Variants in C4orf50 observed in about 807,000 individuals in gnomAD.
C4orf50 encodes uncharacterized protein C4orf50.
A neutral mutation model predicts 77.2 loss-of-function variants in C4orf50; 80 were observed. The ratio of observed to expected loss-of-function variants is 1.04; its 90% CI spans 0.87 to 1.25. C4orf50 has a LOEUF of 1.25. Among genes scored for constraint, C4orf50 ranks in the 50% most tolerant of loss-of-function variants. The pLI, the probability that C4orf50 is intolerant of heterozygous loss-of-function variation, is 0.00. For missense variants in C4orf50, 1,257 were observed against 1,152.9 expected (o/e 1.09, Z -1.31); for synonymous variants, 532 against 465.3 (o/e 1.14, Z -1.84).
At chr4:5,952,806 C>T (rs970047133), downstream of C4orf50, among the ~76,000 whole-genome samples, 16 of 152,138 alleles carry the variant, frequency 1.1e-4, no homozygotes, top group South Asian at 4.1e-4. This position sits in a 1 kb window ranked among gnomAD's most constrained non-coding sequence, Gnocchi z 4.4. Context: ...GCCATGGACA[C>T]GCACAGTTCC....
chr4:5,988,271 A>G (rs377326137), intron 28 of C4orf50, 76 bp downstream of exon 6: 2 of 1,543,896 alleles, frequency 1.3e-6, no homozygotes, highest in Non-Finnish European at 1.8e-6. Flanking sequence ...ACTCTGGTGA[A>G]TTGCATAAGT....
In C4orf50 at chr4:6,017,866, C is replaced by T. The variant is rs145040763; in HGVS notation, c.287+279G>A. On this transcript the variant is annotated intron_variant, in intron 23 of 33. Transcript: ENST00000531445. The surrounding 1 kb of genome is among the most constrained non-coding windows in gnomAD (Gnocchi z 4.7). ...CCAGAGAAGAAGAGAGGGAGAACAC[C>T]TGGCTTCTCCCTGCCTCCCTCCGTT... 6.6e-6 allele frequency among the ~76,000 whole-genome samples: 1 copy of T among 152,312 alleles called. No individual in the cohort carries two copies. The highest frequency in any genetic ancestry group is 2.4e-5 in the African/African-American group (1 of 41,580).
At chr4:5,972,602 A>AAGG (rs1303292988) in intron 31 of C4orf50, among the ~76,000 whole-genome samples, 2 of 152,184 alleles carry the variant, frequency 1.3e-5, no homozygotes, top group Non-Finnish European at 2.9e-5. Context: ...CTGTGAGGAA[A>AAGG]AGGAAGGGTC....
rs796679085 is a variant in C4orf50, at chr4:6,008,874, C to T, written c.427-342G>A. Among the ~76,000 whole-genome samples the T allele has an allele frequency of 3.3e-5, 5 of 152,248 alleles. No individual in the cohort carries two copies. The highest frequency in any genetic ancestry group is 1.2e-4 in the African/African-American group (5 of 41,552). On this transcript the variant is annotated intron_variant, in intron 24 of 33. Transcript: ENST00000531445. The surrounding 1 kb of genome is among the most constrained non-coding windows in gnomAD (Gnocchi z 6.0). ...GAGATGTCCGGATACTGAATACGTC[C>T]GCACCTGAGTGCACACAGCTGCTCC...
chr4:5,992,495 C>G lies in C4orf50; in HGVS notation c.1221+308G>C, dbSNP rs916573864. 6.6e-6 allele frequency among the ~76,000 whole-genome samples: 1 copy of G among 152,136 alleles called. No individual in the cohort carries two copies. Among genetic ancestry groups the G allele is most frequent in the South Asian group, 2.1e-4 (1 of 4,804 alleles). The stretch of plus-strand genomic sequence containing the variant: ...CACAGCAGCCCTTGGAGTCTCATCT[C>G]CTCTCCAGAGCAGAGGTGGCAGCAA... On this transcript the variant is annotated intron_variant, in intron 27 of 33. Coordinates refer to ENST00000531445, the Ensembl canonical transcript of C4orf50. The surrounding 1 kb of genome is among the most constrained non-coding windows in gnomAD (Gnocchi z 5.0).
chr4:6,004,344 G>T (rs1722118223), intron 25 of C4orf50, among the ~76,000 whole-genome samples: 1 of 128,070 alleles, frequency 7.8e-6, no homozygotes, highest in Non-Finnish European at 1.6e-5. Flanking sequence ...TGGTGATGGT[G>T]ATGATGACGG....
chr4:5,944,946 C>G (rs926876003), intron 7 of C4orf50, among the ~76,000 whole-genome samples: 3 of 152,154 alleles, frequency 2.0e-5, no homozygotes, highest in African/African-American at 7.2e-5. Flanking sequence ...CTATTCCACA[C>G]GGAAAGAAAC....
intron 25 of C4orf50, among the ~76,000 whole-genome samples, chr4:6,001,922 A>C (rs999917400): frequency 1.3e-5 from 2 of 152,232 alleles, no homozygotes; most frequent in African/African-American, 2.4e-5. Context: ...ACAGCCATGC[A>C]TGTGAGGGCC....
rs552910294 is a variant in C4orf50, at chr4:6,011,044, C to G, written c.426+786G>C. On this transcript the variant is annotated intron_variant, in intron 24 of 33. Coordinates refer to ENST00000531445, the Ensembl canonical transcript of C4orf50. This position sits in a 1 kb window ranked among gnomAD's most constrained non-coding sequence, Gnocchi z 4.2. Reference sequence around the variant, plus strand: ...GCAGAGCCAGGGTTTGGCTCCAGGCCTCTGCCTCCAGAGCCCCCCACCCTT... The same window carrying G: ...GCAGAGCCAGGGTTTGGCTCCAGGCGTCTGCCTCCAGAGCCCCCCACCCTT... Among the ~76,000 whole-genome samples the G allele has an allele frequency of 6.6e-6, 1 of 152,312 alleles. No individual in the cohort carries two copies. Among genetic ancestry groups the G allele is most frequent in the South Asian group, 2.1e-4 (1 of 4,820 alleles).
Position 5,967,479 on chromosome 4 carries a change from C to A in C4orf50, c.4105-17G>T. On this transcript the variant is annotated splice_polypyrimidine_tract_variant and intron_variant, in intron 31 of 33. Transcript: ENST00000531445. ...GTGGCTTGTCTGCAAGAAAAGACAT[C>A]TTGGCGGTTATTCTGCATGGCACTG... 3 of 1,613,162 alleles carry A rather than the reference C, an allele frequency of 1.9e-6. No homozygotes were observed. The highest frequency in any genetic ancestry group is 2.5e-6 in the Non-Finnish European group (3 of 1,179,170).
intron 23 of C4orf50, among the ~76,000 whole-genome samples, chr4:6,012,365 A>C (rs554659826): frequency 6.6e-6 from 1 of 152,130 alleles, no homozygotes; most frequent in African/African-American, 2.4e-5. Context: ...ACATGAGGAA[A>C]TAGGATCAGA....
intron 25 of C4orf50, among the ~76,000 whole-genome samples, chr4:5,995,474 A>AACACACACACACACACACAC (rs55858229): frequency 4.6e-4 from 62 of 134,054 alleles, no homozygotes; most frequent in Non-Finnish European, 4.9e-4. Flanking sequence ...TGGGACTGGA[A>AACACACACACACACACACAC]ACACACACAC....
rs543833701 is a variant in C4orf50, at chr4:6,000,709, A to G, written c.964-6233T>C. Among the ~76,000 whole-genome samples, 2 of 152,280 alleles carry G rather than the reference A, an allele frequency of 1.3e-5. No homozygotes were observed. The highest frequency in any genetic ancestry group is 4.2e-4 in the South Asian group (2 of 4,814). On this transcript the variant is annotated intron_variant, in intron 25 of 33. Coordinates refer to ENST00000531445, the Ensembl canonical transcript of C4orf50. The surrounding 1 kb of genome is among the most constrained non-coding windows in gnomAD (Gnocchi z 6.0). The stretch of plus-strand genomic sequence containing the variant: ...ACTCCCCAGCCCCTGTACTGAGCTC[A>G]GACTGGAGCCAAGCACACGCACCAA...
chr4:5,995,116 G>A (rs1721507632), intron 25 of C4orf50, among the ~76,000 whole-genome samples: 2 of 152,064 alleles, frequency 1.3e-5, no homozygotes, highest in African/African-American at 4.8e-5. Flanking sequence ...GCCCTAAAGG[G>A]CACCAAAGGC....
chr4:6,004,182 G>GTGATGGTGATGATAGTGA (rs1722063626), intron 25 of C4orf50, among the ~76,000 whole-genome samples: 3 of 87,756 alleles, frequency 3.4e-5, no homozygotes, highest in Non-Finnish European at 4.6e-5. Context: ...GGTGATGATG[G>GTGATGGTGATGATAGTGA]TGATGGTGAT....
intron 33 of C4orf50, among the ~76,000 whole-genome samples, chr4:5,963,087 C>T (rs988821288): frequency 7.9e-5 from 12 of 151,626 alleles, no homozygotes; most frequent in Admixed American, 4.6e-4. Context: ...CTACAACCTC[C>T]GCCTCCCAGG....
chr4:5,993,933 C>T (rs75143028), intron 26 of C4orf50, among the ~76,000 whole-genome samples: 12,797 of 152,070 alleles, frequency 0.084, 636 homozygotes, highest in African/African-American at 0.14. Flanking sequence ...AGCTTCCAGA[C>T]CTGCCAAGTG....
At chr4:5,996,712 G>A (rs772872985) in intron 25 of C4orf50, among the ~76,000 whole-genome samples, 4 of 152,196 alleles carry the variant, frequency 2.6e-5, no homozygotes, top group Non-Finnish European at 5.9e-5. Context: ...CTCAGCATGG[G>A]CCACATCATG....
intron 23 of C4orf50, among the ~76,000 whole-genome samples, chr4:6,014,053 A>T (rs1578003332): frequency 6.8e-6 from 1 of 146,640 alleles, no homozygotes; most frequent in Non-Finnish European, 1.5e-5. Flanking sequence ...CCCAGGCTGG[A>T]GTGCAATGGC....
Sources: gnomAD v4.1 joint callset for allele counts (sites outside exome capture counted in the v4.1 genomes callset) on GRCh38, gnomAD v4.1.1 for gene constraint, Gnocchi (gnomAD v3.1) non-coding constraint, MANE v1.5 for transcripts, NCBI Gene and HGNC (gene_info 2026-07-23, HGNC 2026-07-21) for gene names.